PRKN: variants seen among roughly 807,000 people sequenced by gnomAD.
PRKN encodes parkin RBR E3 ubiquitin protein ligase, also known as E3 ubiquitin-protein ligase parkin.
A neutral mutation model predicts 59.5 loss-of-function variants in PRKN; 56 were observed. That is an observed-to-expected ratio of 0.94 (90% confidence interval 0.76 to 1.18). PRKN has a LOEUF of 1.18. PRKN is among the 50% of genes most tolerant of loss of function. PRKN has a pLI of 0.00. For missense variants in PRKN, 657 were observed against 596.4 expected, an observed-to-expected ratio of 1.10 and a Z score of -1.06; for synonymous variants, 250 against 222.1, an observed-to-expected ratio of 1.13 and a Z score of -1.12.
At chr6:162,463,902 C>T (rs939170077) in intron 1 of PRKN, among the ~76,000 whole-genome samples, 1 of 152,168 alleles carries the variant, frequency 6.6e-6, no homozygotes, top group Non-Finnish European at 1.5e-5. Flanking sequence ...GCATTACATT[C>T]TTACTCTCTG....
At chr6:161,771,824 C>A (rs3016563) in intron 7 of PRKN, among the ~76,000 whole-genome samples, 67,430 of 151,940 alleles carry the variant, frequency 0.44, 17,578 homozygotes, top group Non-Finnish European at 0.57. Context: ...ACATGAAATT[C>A]TCTCAGTCTC....
chr6:162,356,273 A>G (rs1226460477), intron 2 of PRKN, among the ~76,000 whole-genome samples: 1 of 152,144 alleles, frequency 6.6e-6, no homozygotes, highest in Admixed American at 6.6e-5. Flanking sequence ...TAACTGAAAG[A>G]TGCTAATCTT....
intron 7 of PRKN, among the ~76,000 whole-genome samples, chr6:161,745,249 T>G (rs1162304854): frequency 6.6e-6 from 1 of 152,206 alleles, no homozygotes; most frequent in Non-Finnish European, 1.5e-5. Context: ...ACTCTGTACA[T>G]GTTTCCAGAG....
At chr6:162,380,471 GTGTATATATATGTATATATA>G (rs1786397882) in intron 2 of PRKN, among the ~76,000 whole-genome samples, 1 of 46,474 alleles carries the variant, frequency 2.2e-5, no homozygotes, top group East Asian at 1.0e-3. Flanking sequence ...ATATATATGT[GTGTATATATATGTATATATA>G]CACACATATA....
intron 2 of PRKN, among the ~76,000 whole-genome samples, chr6:162,424,016 T>G (rs1289288859): frequency 6.6e-6 from 1 of 152,032 alleles, no homozygotes; most frequent in Admixed American, 6.6e-5. Flanking sequence ...CCTCATAGGG[T>G]GAACAGATAA....
At chr6:162,272,661 AAAC>A (rs1368821201) in intron 2 of PRKN, among the ~76,000 whole-genome samples, 1 of 152,104 alleles carries the variant, frequency 6.6e-6, no homozygotes, top group Non-Finnish European at 1.5e-5. Context: ...CGCGATTGCA[AAAC>A]AACATCTGCG....
At chr6:162,727,283 A>AGGGGCGAAGGTGAGGGGCTGCGGC (rs1779282149) in intron 1 of PRKN, 1 of 265,670 alleles carries the variant, frequency 3.8e-6, no homozygotes, top group Non-Finnish European at 6.9e-6. Context: ...CAGTGAGGTG[A>AGGGGCGAAGGTGAGGGGCTGCGGC]GGGGCGAAGG....
intron 6 of PRKN, among the ~76,000 whole-genome samples, chr6:161,848,381 T>A (rs1021655490): frequency 2.0e-5 from 3 of 152,326 alleles, no homozygotes; most frequent in Admixed American, 2.0e-4. Flanking sequence ...CCTTCATGTA[T>A]TATCATATAA....
intron 1 of PRKN, among the ~76,000 whole-genome samples, chr6:162,501,677 G>A (rs1165160956): frequency 6.6e-6 from 1 of 151,978 alleles, no homozygotes; most frequent in Non-Finnish European, 1.5e-5. Flanking sequence ...ACTCTAACCT[G>A]TGACTCTGGA....
chr6:161,922,312 C>T (rs1778814205), intron 6 of PRKN, among the ~76,000 whole-genome samples: 1 of 152,150 alleles, frequency 6.6e-6, no homozygotes, highest in African/African-American at 2.4e-5. Context: ...CCTGACCCCT[C>T]AGTGTGTCCC....
intron 1 of PRKN, among the ~76,000 whole-genome samples, chr6:162,675,021 G>T (rs539927249): frequency 7.5e-6 from 1 of 134,190 alleles, no homozygotes; most frequent in African/African-American, 3.0e-5. Context: ...AGAGAAAGAA[G>T]ACTTTATTTT....
chr6:162,413,352 G>A (rs1225607349), intron 2 of PRKN, among the ~76,000 whole-genome samples: 3 of 152,032 alleles, frequency 2.0e-5, no homozygotes, highest in Non-Finnish European at 2.9e-5. Flanking sequence ...ATGAGGGAGC[G>A]GTCTACATAT....
chr6:161,785,186 T>C (rs989917295), intron 7 of PRKN, among the ~76,000 whole-genome samples: 5 of 152,202 alleles, frequency 3.3e-5, no homozygotes, highest in Non-Finnish European at 7.3e-5. Flanking sequence ...TTGTGCAACA[T>C]TGTGAATGCA....
rs1403943887 is a variant in PRKN, at chr6:161,350,979, A to AT, written c.1286-769dup. Among the ~76,000 whole-genome samples, 37 of 43,012 alleles carry AT rather than the reference A, an allele frequency of 8.6e-4. 2 individuals carry two copies. The highest frequency in any genetic ancestry group is 3.3e-3 in the African/African-American group (32 of 9,684). 28.2% of individuals were successfully genotyped at this position (43,012 alleles called of 152,430 possible). On this transcript the variant is annotated intron_variant, in intron 11 of 11. Transcript: ENST00000366898. ...TTATATTTAAAATATATATAAATAT[A>AT]TTTTATATATTTATATTTAAAATAT...
chr6:161,791,978 C>T (rs565940447), intron 6 of PRKN, among the ~76,000 whole-genome samples: 36 of 152,192 alleles, frequency 2.4e-4, no homozygotes, highest in Non-Finnish European at 4.1e-4. Flanking sequence ...CTGAGGAAAG[C>T]GAGCAGCCAT....
chr6:162,533,919 C>T (rs4343902), intron 1 of PRKN, among the ~76,000 whole-genome samples: 36,882 of 146,474 alleles, frequency 0.25, 5,703 homozygotes, highest in African/African-American at 0.45. Flanking sequence ...TGCAGTGAGC[C>T]GAGATTGCAC....
In PRKN at chr6:161,895,450, C is replaced by T. The variant is rs117189115; in HGVS notation, c.734+77852G>A. On this transcript the variant is annotated intron_variant, in intron 6 of 11. Transcript: ENST00000366898. ...ATCTAAAACACAACACTGCCTGGGTCCCCCTGGGGAGCCAAACCCCAGTGA... is the reference window on the plus strand; with the variant it reads ...ATCTAAAACACAACACTGCCTGGGTTCCCCTGGGGAGCCAAACCCCAGTGA... Among the ~76,000 whole-genome samples, 84 of 152,094 alleles carry T rather than the reference C, an allele frequency of 5.5e-4. 1 individual carries two copies. In the East Asian group the frequency reaches 0.014, roughly 26 times the overall value.
At chr6:161,694,056 T>C (rs950855021) in intron 7 of PRKN, among the ~76,000 whole-genome samples, 14 of 152,200 alleles carry the variant, frequency 9.2e-5, no homozygotes, top group Non-Finnish European at 1.6e-4. Context: ...AAGCATTCTC[T>C]AAAACACAGC....
At chr6:162,201,939 T>C (rs552265492) in intron 3 of PRKN, among the ~76,000 whole-genome samples, 1 of 152,170 alleles carries the variant, frequency 6.6e-6, no homozygotes, top group Non-Finnish European at 1.5e-5. Flanking sequence ...CAATCTCAGA[T>C]CATTTCTCTC....
Sources: gnomAD v4.1 joint callset for allele counts (sites outside exome capture counted in the v4.1 genomes callset) on GRCh38, gnomAD v4.1.1 for gene constraint, MANE v1.5 for transcripts, NCBI Gene and HGNC (gene_info 2026-07-23, HGNC 2026-07-21) for gene names.